BET1: variants seen among roughly 807,000 people sequenced by gnomAD.
BET1 encodes BET1 homolog.
Under a neutral mutation model 13.9 loss-of-function variants are expected in BET1, and 9 were observed. That is an observed-to-expected ratio of 0.65 (90% CI 0.39 to 1.13). The LOEUF (loss-of-function observed/expected upper bound fraction) is 1.13. Among genes scored for constraint, BET1 ranks in the 50% most tolerant of loss-of-function variants. The pLI, the probability that BET1 is intolerant of heterozygous loss-of-function variation, is 0.01. For missense variants in BET1, 127 were observed against 133.6 expected, an observed-to-expected ratio of 0.95 and a Z score of 0.24; for synonymous variants, 39 against 47.3, an observed-to-expected ratio of 0.82 and a Z score of 0.72.
At chr7:93,991,500 G>T (rs913283073), downstream of BET1, among the ~76,000 whole-genome samples, 1 of 152,146 alleles carries the variant, frequency 6.6e-6, no homozygotes, top group Admixed American at 6.5e-5. Flanking sequence ...GTGTTTCAGT[G>T]CTGTCACAAT....
In BET1 at chr7:93,983,829, C is replaced by A. The variant is rs1218294201; in HGVS notation, c.236-7729G>T. The stretch of plus-strand genomic sequence containing the variant: ...TCCCTAGAATATCCACAGAGCTTGA[C>A]TGCATTGGCAATAGCTGGCACTTAG... On this transcript the variant is annotated intron_variant and NMD_transcript_variant, in intron 4 of 6. Coordinates refer to the BET1 transcript ENST00000357520. Among the ~76,000 whole-genome samples, 9 of 152,154 alleles carry A rather than the reference C, an allele frequency of 5.9e-5. 1 individual carries two copies. Among genetic ancestry groups the A allele is most frequent in the Admixed American group, 2.0e-4 (3 of 15,254 alleles).
chr7:93,976,155 A>C, intron 4 of BET1: 1 of 1,101,566 alleles, frequency 9.1e-7, no homozygotes, highest in Non-Finnish European at 1.2e-6. Flanking sequence ...AACAAAACAA[A>C]ACAACATTTA....
rs545108227 is a variant in BET1 at position 94,002,230 on chromosome 7, C to A, written c.19+1968G>T. Reference sequence around the variant, plus strand: ...AGGTTCTATCAGTAAGCTAACAAAACCATTTAGAGATTCATGTGAAGTGTG... The same window carrying A: ...AGGTTCTATCAGTAAGCTAACAAAAACATTTAGAGATTCATGTGAAGTGTG... On this transcript the variant is annotated intron_variant, in intron 1 of 3. Coordinates refer to ENST00000222547, the MANE Select transcript of BET1 (RefSeq NM_005868.6). Among the ~76,000 whole-genome samples the A allele has an allele frequency of 2.6e-5, 4 of 152,104 alleles. No homozygotes were observed. In the East Asian group the frequency reaches 7.7e-4, roughly 29 times the overall value.
At chr7:93,983,133 A>T (rs1164039597) in intron 4 of BET1, among the ~76,000 whole-genome samples, 1 of 152,184 alleles carries the variant, frequency 6.6e-6, no homozygotes, top group African/African-American at 2.4e-5. Context: ...CATTCACTCA[A>T]TGATTAAGGC....
downstream of BET1, chr7:93,992,889 C>T (rs1795665440): frequency 2.0e-6 from 2 of 985,306 alleles, no homozygotes; most frequent in South Asian, 9.4e-5. Context: ...TCTCCCATCA[C>T]ACGTCAGGCT....
exon 7 of BET1, chr7:93,965,134 AT>A: frequency 6.6e-6 from 1 of 152,196 alleles, no homozygotes; most frequent in Non-Finnish European, 1.5e-5. Flanking sequence ...AATTATGGTC[AT>A]TTTTGCACTG....
At chr7:93,977,716 C>G (rs1050611185) in intron 4 of BET1, among the ~76,000 whole-genome samples, 2 of 152,046 alleles carry the variant, frequency 1.3e-5, no homozygotes, top group Non-Finnish European at 1.5e-5. Context: ...CCACTTTGAC[C>G]ACTCTCCTTT....
chr7:93,973,593 C>A (rs1320573275), intron 5 of BET1, among the ~76,000 whole-genome samples: 1 of 151,824 alleles, frequency 6.6e-6, no homozygotes, highest in African/African-American at 2.4e-5. Flanking sequence ...GCATACAAAC[C>A]ATACATTTTA....
chr7:93,982,935 G>A (rs528475194), intron 4 of BET1, among the ~76,000 whole-genome samples: 1 of 152,158 alleles, frequency 6.6e-6, no homozygotes, highest in East Asian at 1.9e-4. Context: ...ATAATACGAA[G>A]GTTCTGATGT....
chr7:93,978,076 C>T (rs1584129240), intron 4 of BET1, among the ~76,000 whole-genome samples: 3 of 147,714 alleles, frequency 2.0e-5, no homozygotes, highest in Middle Eastern at 3.2e-3. Context: ...AACTTTGTTT[C>T]TTTTTTTTTT....
At chr7:93,991,555 T>A (rs1386974672), downstream of BET1, 1 of 155,916 alleles carries the variant, frequency 6.4e-6, no homozygotes, top group Non-Finnish European at 1.4e-5. Flanking sequence ...AACACAGAAA[T>A]AAAAAATTAC....
At chr7:93,971,621 T>C (rs1795259896) in intron 6 of BET1, among the ~76,000 whole-genome samples, 1 of 151,678 alleles carries the variant, frequency 6.6e-6, no homozygotes, top group African/African-American at 2.4e-5. Flanking sequence ...ACATTTTTTG[T>C]CCAAGGCTGT....
At chr7:93,985,304 A>T (rs1442670708) in intron 4 of BET1, among the ~76,000 whole-genome samples, 1 of 152,204 alleles carries the variant, frequency 6.6e-6, no homozygotes, top group Non-Finnish European at 1.5e-5. Context: ...AGACTGCCTG[A>T]ATTCCAAACT....
rs190878151 is a variant in BET1 at position 93,974,762 on chromosome 7, G to A, written c.*48+1142C>T. Among the ~76,000 whole-genome samples, 328 of 151,922 alleles carry A rather than the reference G, an allele frequency of 2.2e-3. 2 individuals are homozygous for A. Among genetic ancestry groups the A allele is most frequent in the African/African-American group, 7.6e-3 (316 of 41,450 alleles). ...CCACTAATGAATGCTGAAATTGTTG[G>A]GTAAAAGTTTGAGGAGAAATAATAT... On this transcript the variant is annotated intron_variant and NMD_transcript_variant, in intron 5 of 6. Transcript: ENST00000357520.
rs1442371775 is a variant in BET1, at chr7:93,996,309, T to A, written c.157A>T (p.Ile53Leu). 3.2e-6 allele frequency: 5 copies of A among 1,578,226 alleles called. No homozygotes were observed. The highest frequency in any genetic ancestry group is 4.3e-6 in the Non-Finnish European group (5 of 1,160,540). ...TTCTGGGTTTTAACTTCATGGCCTA[T>A]TTCAATGGAAAGCTATAAAGAAGAA... ...VTAIKSLSIEIGHEVKTQNKL... is the reference protein window; with the variant it reads ...VTAIKSLSIELGHEVKTQNKL... The change falls in exon 3 of 4, where the codon ATA becomes TTA. Residue 53 changes from isoleucine (I) to leucine (L), a missense_variant. Coordinates refer to ENST00000222547, the MANE Select transcript of BET1 (RefSeq NM_005868.6).
At chr7:94,000,934 T>C (rs1159852522) in intron 1 of BET1, among the ~76,000 whole-genome samples, 1 of 152,082 alleles carries the variant, frequency 6.6e-6, no homozygotes, top group African/African-American at 2.4e-5. Context: ...GGCCAGGAAT[T>C]TGAGACCAGC....
chr7:93,971,463 G>A (rs1367852338), intron 6 of BET1, among the ~76,000 whole-genome samples: 1 of 151,168 alleles, frequency 6.6e-6, no homozygotes, highest in Non-Finnish European at 1.5e-5. Flanking sequence ...TGGAATAACA[G>A]TTAATGCTGA....
downstream of BET1, among the ~76,000 whole-genome samples, chr7:93,988,930 AATAT>A (rs968994311): frequency 4.7e-5 from 7 of 148,194 alleles, no homozygotes; most frequent in Non-Finnish European, 8.9e-5. Flanking sequence ...AAGTTAAGCA[AATAT>A]ATATATAAAC....
chr7:93,986,459 T>C (rs1180654774), intron 4 of BET1, among the ~76,000 whole-genome samples: 1 of 152,194 alleles, frequency 6.6e-6, no homozygotes, highest in African/African-American at 2.4e-5. Flanking sequence ...AGAAAGGTAA[T>C]GACTGCATCA....
Sources: allele counts gnomAD v4.1 joint callset (sites outside exome capture counted in the v4.1 genomes callset), GRCh38; gene constraint gnomAD v4.1.1; transcripts MANE v1.5; gene names NCBI Gene and HGNC (gene_info 2026-07-23, HGNC 2026-07-21).